LPP: variants seen among roughly 807,000 people sequenced by gnomAD.
LPP encodes the protein LIM domain containing preferred translocation partner in lipoma.
Under a neutral mutation model 60.4 loss-of-function variants are expected in LPP, and 38 were observed. The observed-to-expected ratio is 0.63, with a 90% confidence interval of 0.49 to 0.83. The LOEUF (loss-of-function observed/expected upper bound fraction) is 0.83, where lower values mean the gene tolerates loss of function less well. Ranked by LOEUF, LPP falls within the 40% of genes least tolerant of loss-of-function variation. The pLI is 0.00. For synonymous variants in LPP, 328 were observed against 290.8 expected (o/e 1.13, Z -1.30); for missense variants, 902 against 783.6 (o/e 1.15, Z -1.80).
chr3:188,878,494 T>C lies in LPP; in HGVS notation c.*4015T>C, dbSNP rs1269617760. On this transcript the variant is annotated 3_prime_UTR_variant, in exon 12 of 12. Transcript: ENST00000617246. Reference sequence around the variant, plus strand: ...GTACATGTGTGTTATGAATGAAATATGACAGCATGTTCCATACCCCTGCTT... The same window carrying C: ...GTACATGTGTGTTATGAATGAAATACGACAGCATGTTCCATACCCCTGCTT... The C allele has an allele frequency of 4.6e-6, 1 of 215,944 alleles. No individual in the cohort carries two copies. The highest frequency in any genetic ancestry group is 9.4e-6 in the Non-Finnish European group (1 of 106,844). 13.4% of individuals were successfully genotyped at this position (215,944 alleles called of 1,614,324 possible).
chr3:188,874,149 A>G (rs1198892965), intron 11 of LPP, among the ~76,000 whole-genome samples: 2 of 152,136 alleles, frequency 1.3e-5, no homozygotes, highest in Non-Finnish European at 2.9e-5. Context: ...TTATGTCCCC[A>G]ATCTCTAATT....
intron 1 of LPP, among the ~76,000 whole-genome samples, chr3:188,213,202 G>A (rs1169176717): frequency 6.6e-6 from 1 of 152,152 alleles, no homozygotes; most frequent in African/African-American, 2.4e-5. Context: ...CTTGAAAACA[G>A]TTATGGTGGG....
intron 1 of LPP, among the ~76,000 whole-genome samples, chr3:188,198,259 C>T (rs1730092662): frequency 6.6e-6 from 1 of 152,110 alleles, no homozygotes. Context: ...GAGCTGAATT[C>T]AGGCCAGTGG....
At chr3:188,497,693 C>T (rs558535139) in intron 5 of LPP, among the ~76,000 whole-genome samples, 7 of 152,266 alleles carry the variant, frequency 4.6e-5, no homozygotes, top group African/African-American at 1.7e-4. Flanking sequence ...ACAGAAAATA[C>T]AGCAACCAGA....
intron 8 of LPP, among the ~76,000 whole-genome samples, chr3:188,726,087 T>A (rs1718289158): frequency 6.6e-6 from 1 of 152,140 alleles, no homozygotes; most frequent in Non-Finnish European, 1.5e-5. Context: ...GGAAACTCCA[T>A]GAAGGGTTTC....
chr3:188,797,640 A>G (rs1327476501), intron 9 of LPP, among the ~76,000 whole-genome samples: 1 of 145,018 alleles, frequency 6.9e-6, no homozygotes, highest in Non-Finnish European at 1.5e-5. Flanking sequence ...TGCCTTTCCC[A>G]CATCTCTATG....
At chr3:188,371,088 T>C (rs1243801485) in intron 3 of LPP, among the ~76,000 whole-genome samples, 4 of 152,144 alleles carry the variant, frequency 2.6e-5, no homozygotes, top group Non-Finnish European at 5.9e-5. Context: ...ATCTTCAATT[T>C]CCGACTTTGC....
chr3:188,505,895 T>C (rs1309763800), intron 5 of LPP, among the ~76,000 whole-genome samples: 1 of 152,176 alleles, frequency 6.6e-6, no homozygotes, highest in Non-Finnish European at 1.5e-5. Flanking sequence ...AAATTTCTCC[T>C]CTTGGTTTAT....
At chr3:188,227,137 G>A (rs1718070283) in intron 2 of LPP, among the ~76,000 whole-genome samples, 1 of 152,016 alleles carries the variant, frequency 6.6e-6, no homozygotes, top group Non-Finnish European at 1.5e-5. Context: ...TCCTTAACAA[G>A]AGCAGACTGG....
intron 8 of LPP, among the ~76,000 whole-genome samples, chr3:188,723,985 C>A (rs528622266): frequency 1.3e-5 from 2 of 152,114 alleles, no homozygotes; most frequent in African/African-American, 4.8e-5. Flanking sequence ...TTTTAAATAT[C>A]TTTGTGCCAC....
At chr3:188,360,132 C>T (rs1768836838) in intron 3 of LPP, among the ~76,000 whole-genome samples, 1 of 152,206 alleles carries the variant, frequency 6.6e-6, no homozygotes, top group Middle Eastern at 3.2e-3. Context: ...TGTTACATGT[C>T]TGTTACCTTC....
At chr3:188,719,256 T>C (rs1715351483) in intron 8 of LPP, among the ~76,000 whole-genome samples, 1 of 152,226 alleles carries the variant, frequency 6.6e-6, no homozygotes, top group Non-Finnish European at 1.5e-5. Context: ...ACCACAATTT[T>C]CTTCTGTTCT....
chr3:188,724,336 A>G (rs1293929650), intron 8 of LPP, among the ~76,000 whole-genome samples: 2 of 152,204 alleles, frequency 1.3e-5, no homozygotes, highest in South Asian at 2.1e-4. Context: ...GAAAAAGATT[A>G]GACTCACAGG....
Position 188,876,152 on chromosome 3 carries a change from T to C in LPP, c.*1673T>C. 5.3e-6 allele frequency: 1 copy of C among 188,592 alleles called. No individual in the cohort carries two copies. The allele number at this position is 188,592 out of a possible 1,614,324, so 11.7% of individuals were successfully genotyped here. A position where few individuals can be genotyped will look rare whatever the true frequency, so the allele number is the denominator to read the frequency against. Reference sequence around the variant, plus strand: ...TTCTAGTTTTTTTTCTAGTTTTTAATTTTAACATCAGAACTGAAATAAAAA... The same window carrying C: ...TTCTAGTTTTTTTTCTAGTTTTTAACTTTAACATCAGAACTGAAATAAAAA... On this transcript the variant is annotated 3_prime_UTR_variant, in exon 12 of 12. Coordinates refer to ENST00000617246, the MANE Select transcript of LPP (RefSeq NM_001375462.1).
chr3:188,346,251 CTTTTTTTTT>C (rs1050679907), intron 3 of LPP, among the ~76,000 whole-genome samples: 6 of 88,340 alleles, frequency 6.8e-5, no homozygotes, highest in African/African-American at 3.1e-4. Flanking sequence ...AGTAGCAAAT[CTTTTTTTTT>C]TTTTTTTTTT....
At chr3:188,528,899 G>T (rs746656477) in intron 6 of LPP, among the ~76,000 whole-genome samples, 2 of 152,064 alleles carry the variant, frequency 1.3e-5, no homozygotes, top group African/African-American at 4.8e-5. Flanking sequence ...CTTGAATGTT[G>T]CTTTCCCATA....
intron 4 of LPP, among the ~76,000 whole-genome samples, chr3:188,440,257 A>C (rs11707430): frequency 0.17 from 26,460 of 152,144 alleles, 2,912 homozygotes; most frequent in East Asian, 0.28. Context: ...AAGTTAGTGA[A>C]CTTTGCTGAT....
intron 2 of LPP, among the ~76,000 whole-genome samples, chr3:188,238,098 T>C (rs1008793311): frequency 6.6e-6 from 1 of 152,228 alleles, no homozygotes; most frequent in African/African-American, 2.4e-5. Flanking sequence ...CTTGCACTTT[T>C]ATGTTATGGA....
chr3:188,190,307 C>A (rs1390895749), intron 1 of LPP, among the ~76,000 whole-genome samples: 3 of 152,152 alleles, frequency 2.0e-5, no homozygotes, highest in Non-Finnish European at 4.4e-5. Flanking sequence ...GATCCGCCCG[C>A]CTCGGCCTCC....
Sources: gnomAD v4.1 joint callset for allele counts (sites outside exome capture counted in the v4.1 genomes callset) on GRCh38, gnomAD v4.1.1 for gene constraint, MANE v1.5 for transcripts, NCBI Gene and HGNC (gene_info 2026-07-23, HGNC 2026-07-21) for gene names.